Variants in WDR93 observed in about 807,000 individuals in gnomAD.
WDR93 encodes WD repeat domain 93, also known as WD repeat-containing protein 93.
A neutral mutation model predicts 82.9 loss-of-function variants in WDR93; 73 were observed. The ratio of observed to expected loss-of-function variants is 0.88; its 90% CI spans 0.73 to 1.07. The LOEUF (loss-of-function observed/expected upper bound fraction) is 1.07. WDR93 is among the 50% of genes least tolerant of loss of function. The pLI is 0.00. For missense variants in WDR93, 738 were observed against 826.0 expected (o/e 0.89, Z 1.31); for synonymous variants, 283 against 300.1 (o/e 0.94, Z 0.59).
At chr15:89,710,016 C>G (rs943916707) in intron 4 of WDR93, among the ~76,000 whole-genome samples, 1 of 151,984 alleles carries the variant, frequency 6.6e-6, no homozygotes, top group Non-Finnish European at 1.5e-5. Context: ...AAAAATTAGC[C>G]GGGTGTGCTG....
Position 89,722,135 on chromosome 15 carries a change from T to C in WDR93, c.876T>C (p.Val292=), listed in dbSNP as rs375588086. 13 of 1,597,320 alleles carry C rather than the reference T, an allele frequency of 8.1e-6. No individual in the cohort carries two copies. Among genetic ancestry groups the C allele is most frequent in the Non-Finnish European group, 1.1e-5 (13 of 1,170,544 alleles). ...TGAAGATCAAACCACCTAAGCCTGTTACAGGTAAGTGTGATTCAAATCTCT... is the reference window on the plus strand; with the variant it reads ...TGAAGATCAAACCACCTAAGCCTGTCACAGGTAAGTGTGATTCAAATCTCT... ...YIMKIKPPKP[V]TGTTFKSPLE... Residue 292 remains valine, a synonymous_variant, in exon 8 of 17, where the codon GTT becomes GTC. Transcript: ENST00000268130.
intron 4 of WDR93, 27 bp downstream of exon 4, chr15:89,705,645 C>G (rs779963700): frequency 7.1e-7 from 1 of 1,407,904 alleles, no homozygotes; most frequent in East Asian, 2.3e-5. Flanking sequence ...TCACCATTAG[C>G]TGGGCCAAAA....
rs1235642249 is a variant in WDR93, at chr15:89,743,374, G to C, written c.2044G>C (p.Glu682Gln). The C allele has an allele frequency of 1.2e-6, 2 of 1,614,182 alleles. No individual in the cohort carries two copies. Among genetic ancestry groups the C allele is most frequent in the African/African-American group, 1.3e-5 (1 of 75,060 alleles). The change falls in exon 17 of 17, where the codon GAG (glutamate) becomes CAG (glutamine). Residue 682 changes from glutamate to glutamine, a missense_variant. By Grantham distance (29) the Glu-to-Gln change is conservative. Transcript: ENST00000268130. ...LQRYSLSLQR[E>Q]NFKK ...GAGGTACTCCTTGTCGCTCCAGAGA[G>C]AGAACTTCAAGAAGTGAGGCTGCCA...
intron 1 of WDR93, among the ~76,000 whole-genome samples, chr15:89,695,391 C>A (rs1457629977): frequency 6.6e-6 from 1 of 152,116 alleles, no homozygotes; most frequent in African/African-American, 2.4e-5. Context: ...TGGAGTGCAG[C>A]AACATGATCA....
rs185816174 is a variant in WDR93 at position 89,698,480 on chromosome 15, G to T, written c.-40-3227G>T. ...GATTTTGCTATACATTGTTTGTCCC[G>T]TCTGTTCCTTGTTCCCTTTTTCCTC... On this transcript the variant is annotated intron_variant, in intron 1 of 16. Coordinates refer to ENST00000268130, the MANE Select transcript of WDR93 (RefSeq NM_020212.2). Among the ~76,000 whole-genome samples, 454 of 152,168 alleles carry T rather than the reference G, an allele frequency of 3.0e-3. 3 individuals are homozygous for T. Among genetic ancestry groups the T allele is most frequent in the South Asian group, 0.028 (135 of 4,818 alleles).
chr15:89,694,136 T>C (rs1250827097), intron 1 of WDR93, among the ~76,000 whole-genome samples: 2 of 152,226 alleles, frequency 1.3e-5, no homozygotes, highest in African/African-American at 2.4e-5. Context: ...ATTTCACAAA[T>C]GACTAATGAT....
chr15:89,729,798 T>C (rs1260790498), intron 11 of WDR93, 29 bp downstream of exon 11: 2 of 1,573,032 alleles, frequency 1.3e-6, no homozygotes, highest in Admixed American at 1.7e-5. Context: ...GGGAGTCGCC[T>C]AAGCTCAGGA....
At chr15:89,732,427 T>C (rs1347236361) in intron 12 of WDR93, among the ~76,000 whole-genome samples, 2 of 152,296 alleles carry the variant, frequency 1.3e-5, no homozygotes, top group Admixed American at 6.5e-5. Flanking sequence ...CTTTGGAGGA[T>C]ATTTTCCCCA....
Position 89,743,408 on chromosome 15 carries a change from G to A in WDR93, c.*17G>A. The A allele has an allele frequency of 1.2e-6, 2 of 1,613,616 alleles. No homozygotes were observed. Among genetic ancestry groups the A allele is most frequent in the Non-Finnish European group, 1.7e-6 (2 of 1,179,676 alleles). ...AAGAAGTGAGGCTGCCACCGCCCTG[G>A]GATCTCTGAAAAGGAGGTTTCAGCC... On this transcript the variant is annotated 3_prime_UTR_variant, in exon 17 of 17. Transcript: ENST00000268130.
rs988012442 is a variant in WDR93, at chr15:89,732,940, C to A, written c.1331-66C>A. 48 of 1,445,204 alleles carry A rather than the reference C, an allele frequency of 3.3e-5. 1 individual carries two copies. Among genetic ancestry groups the A allele is most frequent in the Middle Eastern group, 1.9e-4 (1 of 5,200 alleles). 89.5% of individuals were successfully genotyped at this position (1,445,204 alleles called of 1,614,324 possible). A position where few individuals can be genotyped will look rare whatever the true frequency, so the allele number is the denominator to read the frequency against. On this transcript the variant is annotated intron_variant, in intron 12 of 16. Coordinates refer to ENST00000268130, the MANE Select transcript of WDR93 (RefSeq NM_020212.2). ...TCCCTCACACACTTGCTGGTCACAGCCCCTGTGCCCATGGCCTCCTCCCCT... is the reference window on the plus strand; with the variant it reads ...TCCCTCACACACTTGCTGGTCACAGACCCTGTGCCCATGGCCTCCTCCCCT...
At position 89,731,424 on chromosome 15, in the gene WDR93, G is replaced by GT; in HGVS notation, c.1211-18dup. ...TGCAGAGTCTGGGGGAACCGGTTGA[G>GT]TATTGTCCTTCCCCCTAGACCCCGA... On this transcript the variant is annotated intron_variant, in intron 11 of 16. Transcript: ENST00000268130. 1 of 1,613,836 alleles carries GT rather than the reference G, an allele frequency of 6.2e-7. No homozygotes were observed. The highest frequency in any genetic ancestry group is 1.3e-5 in the African/African-American group (1 of 75,016).
chr15:89,718,862 G>C (rs1343707735), intron 7 of WDR93, among the ~76,000 whole-genome samples: 1 of 152,108 alleles, frequency 6.6e-6, no homozygotes, highest in Non-Finnish European at 1.5e-5. Context: ...TCATCCACCC[G>C]CTTTGGCCTC....
intron 1 of WDR93, among the ~76,000 whole-genome samples, chr15:89,695,936 C>T (rs1251299416): frequency 3.3e-5 from 5 of 151,564 alleles, no homozygotes; most frequent in Admixed American, 6.6e-5. Context: ...TGGTCCTCAG[C>T]CTCCTGAGTA....
intron 1 of WDR93, among the ~76,000 whole-genome samples, chr15:89,691,770 C>T (rs1359044203): frequency 1.1e-4 from 16 of 152,090 alleles, no homozygotes. Flanking sequence ...AATCTTTATT[C>T]CCTTGGTCAG....
chr15:89,729,602 A>C, intron 10 of WDR93, 81 bp from the exon 11 acceptor site: 1 of 1,065,456 alleles, frequency 9.4e-7, no homozygotes, highest in Non-Finnish European at 1.4e-6. Flanking sequence ...TTGGGCAAAC[A>C]CCTTCTGTGC....
At chr15:89,712,833 A>G (rs1249864941) in intron 5 of WDR93, among the ~76,000 whole-genome samples, 1 of 152,096 alleles carries the variant, frequency 6.6e-6, no homozygotes. Context: ...TGATAGAAGT[A>G]CCACCTCCTG....
At chr15:89,739,454 C>T (rs1967482214) in intron 16 of WDR93, among the ~76,000 whole-genome samples, 1 of 152,196 alleles carries the variant, frequency 6.6e-6, no homozygotes, top group Admixed American at 6.5e-5. Context: ...CTTCCCCTTC[C>T]TCTTTCCACT....
chr15:89,739,920 C>A (rs111309730), intron 16 of WDR93, among the ~76,000 whole-genome samples: 5,776 of 152,230 alleles, frequency 0.038, 397 homozygotes, highest in African/African-American at 0.13. Context: ...TTGAAGTAGA[C>A]TGGTTAAGAT....
At chr15:89,715,122 A>G (rs371280576) in intron 6 of WDR93, 27 bp downstream of exon 6, 50 of 1,599,964 alleles carry the variant, frequency 3.1e-5, no homozygotes, top group Non-Finnish European at 4.2e-5. Context: ...CTTTCAGCTG[A>G]TATGTTTCTC....
Sources: allele counts gnomAD v4.1 joint callset (sites outside exome capture counted in the v4.1 genomes callset), GRCh38; gene constraint gnomAD v4.1.1; transcripts MANE v1.5; gene names NCBI Gene and HGNC (gene_info 2026-07-23, HGNC 2026-07-21).